Variants in WNT10A observed in about 807,000 individuals in gnomAD.
WNT10A encodes protein Wnt-10a.
WNT10A carries 37 observed loss-of-function variants against 36.1 expected under a neutral mutation model. The ratio of observed to expected loss-of-function variants is 1.02; its 90% CI spans 0.79 to 1.35. WNT10A has a LOEUF of 1.35. Ranked by LOEUF, WNT10A falls within the 40% of genes most tolerant of loss-of-function variation. WNT10A has a pLI of 0.00. For synonymous variants in WNT10A, 255 were observed against 254.1 expected (o/e 1.00, Z -0.03); for missense variants, 613 against 601.4 (o/e 1.02, Z -0.20).
chr2:218,880,815 C>G (rs1424982862), upstream of WNT10A: 1 of 582,028 alleles, frequency 1.7e-6, no homozygotes, highest in Non-Finnish European at 2.8e-6. This position sits in a 1 kb window ranked among gnomAD's most constrained non-coding sequence, Gnocchi z 7.7. Context: ...GGGCGGTGCC[C>G]GGGGGTGCTG....
intron 2 of WNT10A, among the ~76,000 whole-genome samples, chr2:218,889,362 A>G (rs1944617900): frequency 6.6e-6 from 1 of 152,218 alleles, no homozygotes; most frequent in South Asian, 2.1e-4. Flanking sequence ...TTTTGCAATT[A>G]CAAATTGTAC....
At chr2:218,875,041 C>CA in the WNT10A span, among the ~76,000 whole-genome samples, 1 of 151,982 alleles carries the variant, frequency 6.6e-6, no homozygotes, top group Non-Finnish European at 1.5e-5. Flanking sequence ...AGCCCCCACT[C>CA]ACATGTCTAG....
At chr2:218,879,605 A>C (rs948839098), upstream of WNT10A, among the ~76,000 whole-genome samples, 4 of 152,168 alleles carry the variant, frequency 2.6e-5, no homozygotes, top group African/African-American at 9.7e-5. Flanking sequence ...CTGAGCCAGG[A>C]GGCTGGTATT....
chr2:218,887,051 T>C (rs1369490754), intron 2 of WNT10A, among the ~76,000 whole-genome samples: 1 of 152,178 alleles, frequency 6.6e-6, no homozygotes, highest in Non-Finnish European at 1.5e-5. Flanking sequence ...ACCAGCCTCA[T>C]CCTCTTTCCT....
chr2:218,875,039 C>T, the WNT10A span, among the ~76,000 whole-genome samples: 1 of 151,994 alleles, frequency 6.6e-6, no homozygotes, highest in Non-Finnish European at 1.5e-5. Context: ...GAAGCCCCCA[C>T]TCACATGTCT....
At chr2:218,877,532 G>C (rs771863600), upstream of WNT10A, among the ~76,000 whole-genome samples, 19 of 152,308 alleles carry the variant, frequency 1.2e-4, no homozygotes, top group South Asian at 4.1e-4. This position sits in a 1 kb window ranked among gnomAD's most constrained non-coding sequence, Gnocchi z 4.1. Flanking sequence ...CAGGCAGTCT[G>C]AGCCATCAAA....
chr2:218,876,269 C>T (rs988045164), upstream of WNT10A, among the ~76,000 whole-genome samples: 2 of 152,192 alleles, frequency 1.3e-5, no homozygotes, highest in African/African-American at 4.8e-5. Context: ...CTGGGATTGA[C>T]AGCCTCTCTA....
intron 3 of WNT10A, 134 bp from the exon 4 acceptor site, chr2:218,892,640 G>A (rs924002704): frequency 3.5e-6 from 5 of 1,408,674 alleles, no homozygotes; most frequent in Non-Finnish European, 4.8e-6. Context: ...CTGCCTGGTT[G>A]TGGGACCCTC....
chr2:218,892,739 C>A, intron 3 of WNT10A, 35 bp from the exon 4 acceptor site: 3 of 1,558,288 alleles, frequency 1.9e-6, no homozygotes, highest in Non-Finnish European at 2.6e-6. Context: ...TGGGGCTGCG[C>A]GCCGTGTCAC....
intron 3 of WNT10A, among the ~76,000 whole-genome samples, chr2:218,890,801 C>G (rs897991303): frequency 5.9e-5 from 9 of 152,196 alleles, no homozygotes; most frequent in African/African-American, 2.2e-4. Flanking sequence ...CCCAGCCTTT[C>G]TGTGCAGTCT....
chr2:218,889,585 A>G lies in WNT10A; in HGVS notation c.377-399A>G, dbSNP rs183193382. On this transcript the variant is annotated intron_variant, in intron 2 of 3. Transcript: ENST00000258411. ...ATTCTTTAGCTTAAATGTTGCCCTC[A>G]TTCTGTGGGCTTATTTTAAAATTGC... is the stretch of plus-strand genomic sequence containing the variant. Among the ~76,000 whole-genome samples, 368 of 152,308 alleles carry G rather than the reference A, an allele frequency of 2.4e-3. 3 individuals carry two copies. The highest frequency in any genetic ancestry group is 3.4e-3 in the Middle Eastern group (1 of 294).
intron 1 of WNT10A, 69 bp from the exon 2 acceptor site, chr2:218,882,092 G>C: frequency 6.4e-7 from 1 of 1,566,874 alleles, no homozygotes; most frequent in South Asian, 1.2e-5. Context: ...GGGACAGAGT[G>C]TGTGTTGTTA....
intron 2 of WNT10A, among the ~76,000 whole-genome samples, chr2:218,883,174 C>T (rs1944537306): frequency 6.6e-6 from 1 of 152,174 alleles, no homozygotes; most frequent in African/African-American, 2.4e-5. Context: ...CTGCTCACAC[C>T]CACCTCCTGG....
chr2:218,882,571 T>C (rs1944531635), intron 2 of WNT10A, 148 bp downstream of exon 2: 5 of 1,126,900 alleles, frequency 4.4e-6, no homozygotes, highest in Non-Finnish European at 6.4e-6. Flanking sequence ...CTCCTTCCTC[T>C]TTCTGATCTC....
upstream of WNT10A, chr2:218,880,707 G>A: frequency 2.7e-6 from 1 of 376,314 alleles, no homozygotes; most frequent in Non-Finnish European, 4.8e-6. The surrounding 1 kb of genome is among the most constrained non-coding windows in gnomAD (Gnocchi z 7.7). Context: ...CCCTTGAGAG[G>A]CACCGGGAGT....
chr2:218,890,679 G>A (rs866245162), intron 3 of WNT10A, among the ~76,000 whole-genome samples: 7 of 152,128 alleles, frequency 4.6e-5, no homozygotes, highest in African/African-American at 1.7e-4. Flanking sequence ...AGGACTTCAG[G>A]AGTCTAGGCC....
At chr2:218,890,418 T>A (rs780603318) in intron 3 of WNT10A, 55 bp downstream of exon 3, 1 of 1,597,426 alleles carries the variant, frequency 6.3e-7, no homozygotes, top group Non-Finnish European at 8.5e-7. Context: ...GGCCTACCCC[T>A]TGCCCTGGCC....
intron 3 of WNT10A, 118 bp from the exon 4 acceptor site, chr2:218,892,656 C>A: frequency 6.8e-7 from 1 of 1,471,936 alleles, no homozygotes; most frequent in Non-Finnish European, 9.1e-7. Context: ...CCCTCGCTCC[C>A]GGCCTCAGCG....
At chr2:218,892,440 C>T (rs1029551268) in intron 3 of WNT10A, among the ~76,000 whole-genome samples, 8 of 151,912 alleles carry the variant, frequency 5.3e-5, no homozygotes, top group Non-Finnish European at 1.2e-4. Context: ...AGGGAATTTC[C>T]CTGCCTATTT....
Sources: allele counts gnomAD v4.1 joint callset (sites outside exome capture counted in the v4.1 genomes callset), GRCh38; gene constraint gnomAD v4.1.1; non-coding constraint Gnocchi (gnomAD v3.1); transcripts MANE v1.5; gene names NCBI Gene and HGNC (gene_info 2026-07-23, HGNC 2026-07-21).